The following CLDN10 variants were observed in gnomAD, a reference collection of about 807,000 sequenced individuals.
The protein encoded by CLDN10 is claudin-10.
In CLDN10, 15 loss-of-function variants were observed where a neutral mutation model predicts 22.9. The ratio of observed to expected loss-of-function variants is 0.65; its 90% confidence interval spans 0.44 to 1.01. The LOEUF is 1.01. CLDN10 is among the 50% of genes least tolerant of loss of function. CLDN10 has a pLI of 0.00. For synonymous variants in CLDN10, 114 were observed against 111.4 expected (o/e 1.02, Z -0.15); for missense variants, 247 against 287.8 (o/e 0.86, Z 1.03).
At chr13:95,512,785 T>C (rs936610549) in intron 1 of CLDN10, among the ~76,000 whole-genome samples, 2 of 152,248 alleles carry the variant, frequency 1.3e-5, no homozygotes, top group African/African-American at 4.8e-5. Context: ...TGAACCTGAT[T>C]AGGGAAAAAT....
At chr13:95,475,088 C>T (rs2042672870) in intron 1 of CLDN10, among the ~76,000 whole-genome samples, 1 of 152,136 alleles carries the variant, frequency 6.6e-6, no homozygotes, top group South Asian at 2.1e-4. Context: ...CATGCTGGTG[C>T]CACACAGAGG....
intron 1 of CLDN10, among the ~76,000 whole-genome samples, chr13:95,489,006 C>A (rs2042839060): frequency 7.4e-6 from 1 of 134,644 alleles, no homozygotes; most frequent in Non-Finnish European, 1.5e-5. Context: ...GGCTAGAGTG[C>A]AATGGCATGA....
At chr13:95,532,191 C>T (rs1255617543) in intron 1 of CLDN10, among the ~76,000 whole-genome samples, 2 of 152,140 alleles carry the variant, frequency 1.3e-5, no homozygotes, top group Admixed American at 6.6e-5. Flanking sequence ...TTTAAAACTT[C>T]TGCTCATCAA....
chr13:95,518,709 A>G (rs1051971911), intron 1 of CLDN10, among the ~76,000 whole-genome samples: 1 of 152,194 alleles, frequency 6.6e-6, no homozygotes, highest in Admixed American at 6.5e-5. Context: ...CAGTGAGCCA[A>G]GATTGCACCA....
At chr13:95,475,159 AGAG>A (rs1413566840) in intron 1 of CLDN10, among the ~76,000 whole-genome samples, 2 of 45,562 alleles carry the variant, frequency 4.4e-5, no homozygotes. Flanking sequence ...AACTCGGATC[AGAG>A]GATCAGACGG....
At chr13:95,492,392 C>G (rs1157037014) in intron 1 of CLDN10, among the ~76,000 whole-genome samples, 1 of 151,942 alleles carries the variant, frequency 6.6e-6, no homozygotes, top group African/African-American at 2.4e-5. Context: ...AATTGTGTAC[C>G]TAGGAGGATT....
rs189505528 is a variant in CLDN10 at position 95,515,411 on chromosome 13, G to T, written c.215-44721G>T. ...GACGGGGTTTTGCCATGTTGGCCAG[G>T]CTGGTCTTGAATTCCTGACCTCAAA... On this transcript the variant is annotated intron_variant, in intron 1 of 4. Coordinates refer to the CLDN10 transcript ENST00000376873. 1.7e-4 allele frequency among the ~76,000 whole-genome samples: 26 copies of T among 152,228 alleles called. 1 individual carries two copies. The East Asian group carries it at 4.8e-3, about 28-fold the overall frequency.
Position 95,574,905 on chromosome 13 carries a change from G to C in CLDN10, c.465-2326G>C, listed in dbSNP as rs192871440. On this transcript the variant is annotated intron_variant, in intron 3 of 4. Transcript: ENST00000299339. Reference sequence around the variant, plus strand: ...CATAGACCCAATTCCTCATCCGCCTGGGTAATTTATCCTGTGATTTGTAGC... The same window carrying C: ...CATAGACCCAATTCCTCATCCGCCTCGGTAATTTATCCTGTGATTTGTAGC... 2.8e-3 allele frequency among the ~76,000 whole-genome samples: 429 copies of C among 152,262 alleles called. 2 individuals are homozygous for C. The highest frequency in any genetic ancestry group is 9.8e-3 in the African/African-American group (408 of 41,540).
intron 1 of CLDN10, 116 bp downstream of exon 1, chr13:95,553,089 C>T: frequency 7.3e-7 from 1 of 1,378,138 alleles, no homozygotes; most frequent in East Asian, 2.5e-5. Flanking sequence ...CCTCTGAGGC[C>T]CGACCCGTCT....
chr13:95,492,310 G>A (rs1292086032), intron 1 of CLDN10, among the ~76,000 whole-genome samples: 3 of 151,644 alleles, frequency 2.0e-5, no homozygotes, highest in African/African-American at 7.3e-5. Context: ...GTGTGTCTGA[G>A]CTCAGACTCT....
chr13:95,461,315 A>G (rs1293171816), intron 1 of CLDN10, among the ~76,000 whole-genome samples: 1 of 151,948 alleles, frequency 6.6e-6, no homozygotes, highest in African/African-American at 2.4e-5. Flanking sequence ...TAGTACTTCT[A>G]CTCCACCCCA....
intron 1 of CLDN10, among the ~76,000 whole-genome samples, chr13:95,547,047 T>TTTA (rs60969054): frequency 2.1e-5 from 1 of 47,624 alleles, no homozygotes; most frequent in East Asian, 1.2e-3. Flanking sequence ...GCTGGCTAAC[T>TTTA]TTTTTTTTTT....
chr13:95,495,755 A>G lies in CLDN10; in HGVS notation c.214+61708A>G, dbSNP rs551912626. 2.5e-3 allele frequency among the ~76,000 whole-genome samples: 375 copies of G among 150,560 alleles called. 4 individuals are homozygous for G. Among genetic ancestry groups the G allele is most frequent in the Middle Eastern group, 3.5e-3 (1 of 288 alleles). The stretch of plus-strand genomic sequence containing the variant: ...CCAGACTCCACCTCAAAAAAAAAAA[A>G]AAAGAAAAGAAAGAAAGAAAGAAAG... On this transcript the variant is annotated intron_variant, in intron 1 of 4. Coordinates refer to the CLDN10 transcript ENST00000376873.
intron 1 of CLDN10, among the ~76,000 whole-genome samples, chr13:95,524,838 T>C (rs958141330): frequency 4.6e-5 from 7 of 150,900 alleles, no homozygotes; most frequent in Non-Finnish European, 8.9e-5. Flanking sequence ...TGTACTCTTT[T>C]ATTTTTTATT....
At chr13:95,525,998 T>A (rs2043277181) in intron 1 of CLDN10, among the ~76,000 whole-genome samples, 1 of 152,136 alleles carries the variant, frequency 6.6e-6, no homozygotes, top group Non-Finnish European at 1.5e-5. Context: ...ATTCCTTGTC[T>A]TTCTCTTCTA....
At chr13:95,491,917 G>A (rs2042875364) in intron 1 of CLDN10, among the ~76,000 whole-genome samples, 5 of 152,106 alleles carry the variant, frequency 3.3e-5, no homozygotes. Context: ...GAGCCAAACT[G>A]CAGTGATTAT....
intron 1 of CLDN10, among the ~76,000 whole-genome samples, chr13:95,502,420 C>T (rs1432879975): frequency 6.6e-6 from 1 of 152,182 alleles, no homozygotes; most frequent in African/African-American, 2.4e-5. Context: ...CTAGTCACTC[C>T]TTCTCTAGAA....
chr13:95,507,933 T>A (rs2043055735), intron 1 of CLDN10, among the ~76,000 whole-genome samples: 1 of 151,902 alleles, frequency 6.6e-6, no homozygotes, highest in African/African-American at 2.4e-5. Context: ...AAAAAACTTT[T>A]TTTAAATAGC....
rs531917846 is a variant in CLDN10 at position 95,545,477 on chromosome 13, C to T, written c.215-14655C>T. Among the ~76,000 whole-genome samples the T allele has an allele frequency of 5.3e-5, 8 of 152,148 alleles. No homozygotes were observed. The South Asian group carries it at 1.0e-3, about 20-fold the overall frequency. On this transcript the variant is annotated intron_variant, in intron 1 of 4. Coordinates refer to the CLDN10 transcript ENST00000376873. ...GCTTGAACCCGGAAGGTGGAGGTTG[C>T]GGTGAGCCGAGATCGCGCCTTTGCA...
Sources: allele counts gnomAD v4.1 joint callset (sites outside exome capture counted in the v4.1 genomes callset), GRCh38; gene constraint gnomAD v4.1.1; transcripts MANE v1.5; gene names NCBI Gene and HGNC (gene_info 2026-07-23, HGNC 2026-07-21).